Variants in GRAMD1B observed in about 807,000 individuals in gnomAD.
GRAMD1B encodes the protein GRAM domain containing 1B.
Under a neutral mutation model 99.7 loss-of-function variants are expected in GRAMD1B, and 37 were observed. That is an observed-to-expected ratio of 0.37 (90% CI 0.29 to 0.49). GRAMD1B has a LOEUF of 0.49. Ranked by LOEUF, GRAMD1B falls within the 20% of genes least tolerant of loss-of-function variation. GRAMD1B has a pLI of 0.98. For synonymous variants in GRAMD1B, 427 were observed against 387.6 expected, an observed-to-expected ratio of 1.10 and a Z score of -1.19; for missense variants, 888 against 1,009.2, an observed-to-expected ratio of 0.88 and a Z score of 1.63.
intron 7 of GRAMD1B, chr11:123,598,955 G>T: frequency 9.4e-7 from 1 of 1,060,134 alleles, no homozygotes; most frequent in Non-Finnish European, 1.5e-6. Context: ...ATTGGTCTAA[G>T]ATGGACAGGT....
In GRAMD1B at chr11:123,594,138, G is replaced by A; in HGVS notation, c.741G>A (p.Gln247=). 1 of 1,613,290 alleles carries A rather than the reference G, an allele frequency of 6.2e-7. No homozygotes were observed. Residue 247 remains glutamine, a synonymous_variant, in exon 5 of 20, where the codon CAG becomes CAA. Coordinates refer to ENST00000635736, the MANE Select transcript of GRAMD1B (RefSeq NM_001387025.1). ...RNEDFRKLFK[Q]LPDTERLIVD... ...AAGACTTCAGAAAGCTCTTTAAGCAGCTTCCAGACACGGAGCGCCTCATTG... is the reference window on the plus strand; with the variant it reads ...AAGACTTCAGAAAGCTCTTTAAGCAACTTCCAGACACGGAGCGCCTCATTG...
At chr11:123,617,169 C>CTTT (rs34788392) in intron 17 of GRAMD1B, among the ~76,000 whole-genome samples, 132 of 133,638 alleles carry the variant, frequency 9.9e-4, no homozygotes, top group African/African-American at 3.3e-3. Flanking sequence ...TCTTTCTTTC[C>CTTT]TTTTTTTTTT....
chr11:123,438,919 G>A (rs765315796), intron 1 of GRAMD1B, among the ~76,000 whole-genome samples: 1 of 152,242 alleles, frequency 6.6e-6, no homozygotes, highest in Non-Finnish European at 1.5e-5. Context: ...CCTGAAGCAG[G>A]TGTTTAGACC....
chr11:123,360,455 A>T (rs1340430933), intron 1 of GRAMD1B, among the ~76,000 whole-genome samples: 2 of 152,168 alleles, frequency 1.3e-5, no homozygotes, highest in Non-Finnish European at 2.9e-5. Context: ...TGCAATTTGG[A>T]TGAAGAGTTC....
At chr11:123,578,808 C>T (rs1457526229) in intron 3 of GRAMD1B, among the ~76,000 whole-genome samples, 1 of 152,130 alleles carries the variant, frequency 6.6e-6, no homozygotes, top group Non-Finnish European at 1.5e-5. Flanking sequence ...TACTCCAGGC[C>T]CCTCCCCTTT....
intron 1 of GRAMD1B, among the ~76,000 whole-genome samples, chr11:123,467,732 G>A (rs1420058251): frequency 6.6e-6 from 1 of 152,110 alleles, no homozygotes; most frequent in Non-Finnish European, 1.5e-5. Context: ...GGAGTGGTGG[G>A]TTCCCTGAGG....
intron 10 of GRAMD1B, 90 bp downstream of exon 10, chr11:123,605,568 G>T: frequency 9.8e-7 from 1 of 1,017,120 alleles, no homozygotes. Context: ...TGGGGAGCAG[G>T]TAGAGAGGAG....
At chr11:123,407,472 C>A (rs1247463141) in intron 1 of GRAMD1B, among the ~76,000 whole-genome samples, 1 of 152,270 alleles carries the variant, frequency 6.6e-6, no homozygotes, top group African/African-American at 2.4e-5. Flanking sequence ...CAGGTGAAAC[C>A]TGCAGGCTCT....
At chr11:123,555,513 T>G (rs1946094726) in intron 2 of GRAMD1B, among the ~76,000 whole-genome samples, 1 of 151,900 alleles carries the variant, frequency 6.6e-6, no homozygotes, top group Non-Finnish European at 1.5e-5. Flanking sequence ...CACACCTGGC[T>G]AATTTTTTGT....
At chr11:123,514,311 G>T (rs1941460797) in intron 2 of GRAMD1B, among the ~76,000 whole-genome samples, 1 of 152,222 alleles carries the variant, frequency 6.6e-6, no homozygotes, top group Admixed American at 6.5e-5. Flanking sequence ...ATGTGGCTGT[G>T]ATTTAGAGTT....
rs1955521674 is a variant in GRAMD1B, at chr11:123,626,574, A to G, written c.*3979A>G. The stretch of plus-strand genomic sequence containing the variant: ...TCCTACTGCCCCCAGGAGAAATAGC[A>G]CTCTTCTCCCTTCCCCCAGATGGCA... On this transcript the variant is annotated 3_prime_UTR_variant, in exon 20 of 20. Coordinates refer to ENST00000635736, the MANE Select transcript of GRAMD1B (RefSeq NM_001387025.1). 6.6e-6 allele frequency: 1 copy of G among 151,558 alleles called. No homozygotes were observed. Among genetic ancestry groups the G allele is most frequent in the East Asian group, 1.9e-4 (1 of 5,144 alleles). The allele number at this position is 151,558 out of a possible 1,614,324, so 9.4% of individuals were successfully genotyped here.
At chr11:123,462,711 C>G (rs1048514936) in intron 1 of GRAMD1B, among the ~76,000 whole-genome samples, 1 of 152,052 alleles carries the variant, frequency 6.6e-6, no homozygotes, top group South Asian at 2.1e-4. Flanking sequence ...ATCACCAATC[C>G]CTAATCTCAA....
rs76756402 is a variant in GRAMD1B, at chr11:123,606,705, A to G, written c.1420A>G (p.Met474Val). 2 of 1,613,572 alleles carry G rather than the reference A, an allele frequency of 1.2e-6. No individual in the cohort carries two copies. The highest frequency in any genetic ancestry group is 2.2e-5 in the East Asian group (1 of 44,874). The change falls in exon 11 of 20, where the codon ATG (methionine) becomes GTG (valine). Residue 474 changes from methionine (M) to valine (V), a missense_variant. Around this residue, in one of 5 missense-constraint regions of GRAMD1B, gnomAD observed 269 missense variants for 296.6 expected, o/e 0.91. Transcript: ENST00000635736. ...IDNIMGEKIEMIAPVNSPSLD... is the reference protein window; with the variant it reads ...IDNIMGEKIEVIAPVNSPSLD... Reference sequence around the variant, plus strand: ...CAACATCATGGGGGAGAAGATTGAGATGATCGCTCCTGTGAACTCCCCTTC... The same window carrying G: ...CAACATCATGGGGGAGAAGATTGAGGTGATCGCTCCTGTGAACTCCCCTTC...
At chr11:123,425,009 A>G (rs1948597632) in intron 1 of GRAMD1B, among the ~76,000 whole-genome samples, 1 of 152,252 alleles carries the variant, frequency 6.6e-6, no homozygotes, top group African/African-American at 2.4e-5. Flanking sequence ...GCTAACATTT[A>G]TGGAGCACTT....
At chr11:123,473,278 G>A (rs1023865281) in intron 1 of GRAMD1B, among the ~76,000 whole-genome samples, 2 of 152,100 alleles carry the variant, frequency 1.3e-5, no homozygotes, top group Non-Finnish European at 2.9e-5. Flanking sequence ...TAGCCAGGCT[G>A]GTCTCGAACT....
In GRAMD1B at chr11:123,566,034, T is replaced by C. The variant is rs561932912; in HGVS notation, c.453-11333T>C. On this transcript the variant is annotated intron_variant, in intron 2 of 19. Coordinates refer to ENST00000635736, the MANE Select transcript of GRAMD1B (RefSeq NM_001387025.1). ...TCTTTGCCATGTGGAAAGGACTGAA[T>C]TTAGGAACAGGATTCAGTTTCTTAA... 7.9e-4 allele frequency among the ~76,000 whole-genome samples: 121 copies of C among 152,280 alleles called. 2 individuals are homozygous for C. In the Middle Eastern group the frequency reaches 0.01, roughly 13 times the overall value.
chr11:123,620,201 TG>T (rs1660033751), intron 19 of GRAMD1B, among the ~76,000 whole-genome samples: 2 of 152,134 alleles, frequency 1.3e-5, no homozygotes, highest in Admixed American at 1.3e-4. Flanking sequence ...AGGCCGGGTG[TG>T]GTGGGTCACG....
At chr11:123,445,992 CTT>C (rs1949627579) in intron 1 of GRAMD1B, among the ~76,000 whole-genome samples, 1 of 152,068 alleles carries the variant, frequency 6.6e-6, no homozygotes, top group Non-Finnish European at 1.5e-5. Flanking sequence ...CTCATGTTCT[CTT>C]GTTTTGTGAA....
intron 1 of GRAMD1B, among the ~76,000 whole-genome samples, chr11:123,371,876 T>A (rs1233927097): frequency 1.3e-5 from 2 of 152,206 alleles, no homozygotes; most frequent in Non-Finnish European, 2.9e-5. Flanking sequence ...AGGTGTTGGA[T>A]CATTTTAACA....
Sources: allele counts gnomAD v4.1 joint callset (sites outside exome capture counted in the v4.1 genomes callset), GRCh38; gene constraint gnomAD v4.1.1; regional missense constraint gnomAD v4.1.1; transcripts MANE v1.5; gene names NCBI Gene and HGNC (gene_info 2026-07-23, HGNC 2026-07-21).